The following CNTN5 variants were observed in gnomAD, a reference collection of about 807,000 sequenced individuals.
CNTN5 encodes the protein contactin-5.
In CNTN5, 77 loss-of-function variants were observed where a neutral mutation model predicts 129.1. The observed-to-expected ratio is 0.60, with a 90% CI of 0.50 to 0.72. CNTN5 has a LOEUF of 0.72. Ranked by LOEUF, CNTN5 falls within the 30% of genes least tolerant of loss-of-function variation. The probability of loss-of-function intolerance (pLI) is 0.00; values close to 1 mark genes in which losing one functional copy is unlikely to be tolerated. For synonymous variants in CNTN5, 509 were observed against 465.6 expected, an observed-to-expected ratio of 1.09 and a Z score of -1.20; for missense variants, 1,478 against 1,328.8, an observed-to-expected ratio of 1.11 and a Z score of -1.75.
intron 2 of CNTN5, among the ~76,000 whole-genome samples, chr11:99,434,759 T>G (rs1943535360): frequency 6.6e-6 from 1 of 152,180 alleles, no homozygotes; most frequent in South Asian, 2.1e-4. Context: ...TATTTCTGTA[T>G]AACAGGTGCC....
At chr11:99,530,343 G>T (rs1947649348) in intron 2 of CNTN5, among the ~76,000 whole-genome samples, 1 of 152,160 alleles carries the variant, frequency 6.6e-6, no homozygotes, top group African/African-American at 2.4e-5. Context: ...ACATGATTTT[G>T]TTGCTGTAGT....
rs569291459 is a variant in CNTN5 at position 99,275,965 on chromosome 11, T to A, written c.-209-49381T>A. Among the ~76,000 whole-genome samples the A allele has an allele frequency of 3.3e-5, 5 of 151,494 alleles. No individual in the cohort carries two copies. In the East Asian group the frequency reaches 9.7e-4, roughly 29 times the overall value. On this transcript the variant is annotated intron_variant, in intron 1 of 24. Transcript: ENST00000524871. ...AAGCCATATTTGAACAAAAAAAAAA[T>A]CTACCACAGGCAGATCTTCTCTATA...
intron 17 of CNTN5, among the ~76,000 whole-genome samples, chr11:100,258,306 G>A (rs746257117): frequency 2.6e-5 from 4 of 152,090 alleles, no homozygotes; most frequent in Non-Finnish European, 2.9e-5. Flanking sequence ...CCAAATATAC[G>A]TTTGACTGGT....
chr11:99,736,877 A>G (rs758458515), intron 3 of CNTN5, among the ~76,000 whole-genome samples: 1 of 152,186 alleles, frequency 6.6e-6, no homozygotes, highest in East Asian at 1.9e-4. Flanking sequence ...ACCTTTCACA[A>G]TAAACAGATG....
At chr11:99,875,062 G>C (rs1565628458) in intron 6 of CNTN5, among the ~76,000 whole-genome samples, 1 of 152,118 alleles carries the variant, frequency 6.6e-6, no homozygotes, top group Admixed American at 6.5e-5. Flanking sequence ...GCGTTAGTAA[G>C]AATCAAATAT....
chr11:99,203,181 G>T (rs1288545558), intron 1 of CNTN5, among the ~76,000 whole-genome samples: 1 of 152,108 alleles, frequency 6.6e-6, no homozygotes, highest in Non-Finnish European at 1.5e-5. Flanking sequence ...TATTTTTGCA[G>T]TCTTTCTGGT....
chr11:99,025,227 T>C (rs751689770), intron 1 of CNTN5, among the ~76,000 whole-genome samples: 3 of 151,916 alleles, frequency 2.0e-5, no homozygotes, highest in Non-Finnish European at 4.4e-5. Context: ...ATGAGTTTTC[T>C]ATGAAAAATA....
intron 4 of CNTN5, among the ~76,000 whole-genome samples, chr11:99,838,853 T>G (rs915795047): frequency 2.6e-5 from 4 of 152,146 alleles, no homozygotes; most frequent in Admixed American, 6.6e-5. Flanking sequence ...TACTTAGTAT[T>G]AGAAGTAATA....
At chr11:99,852,552 T>C (rs1174407497) in intron 6 of CNTN5, among the ~76,000 whole-genome samples, 3 of 152,232 alleles carry the variant, frequency 2.0e-5, no homozygotes, top group African/African-American at 7.2e-5. Flanking sequence ...CTCACACTCT[T>C]ATTTCTTTTA....
At chr11:99,408,010 G>A (rs1206611100) in intron 2 of CNTN5, among the ~76,000 whole-genome samples, 1 of 152,088 alleles carries the variant, frequency 6.6e-6, no homozygotes, top group Non-Finnish European at 1.5e-5. Context: ...GTGATATGAA[G>A]TTAAAACCAG....
At chr11:99,269,792 G>C (rs138357409) in intron 1 of CNTN5, among the ~76,000 whole-genome samples, 1 of 151,670 alleles carries the variant, frequency 6.6e-6, no homozygotes, top group Non-Finnish European at 1.5e-5. Flanking sequence ...CATAAGCATT[G>C]TGTCTCTTAG....
chr11:100,019,070 G>A (rs72994900), intron 9 of CNTN5, among the ~76,000 whole-genome samples: 8,269 of 151,756 alleles, frequency 0.054, 380 homozygotes, highest in East Asian at 0.16. Flanking sequence ...TATGTGATTC[G>A]CAAATATTTT....
At chr11:99,813,666 T>A (rs1190841280) in intron 3 of CNTN5, among the ~76,000 whole-genome samples, 1 of 152,050 alleles carries the variant, frequency 6.6e-6, no homozygotes, top group Non-Finnish European at 1.5e-5. Context: ...TCCTAGGGTG[T>A]GCCAACATTG....
At chr11:99,357,776 G>C (rs866165724) in intron 2 of CNTN5, among the ~76,000 whole-genome samples, 2 of 151,656 alleles carry the variant, frequency 1.3e-5, no homozygotes, top group African/African-American at 4.8e-5. Context: ...AGAAAATTAG[G>C]TTATTTCACT....
Position 99,889,662 on chromosome 11 carries a change from AG to A in CNTN5, c.578-26391del, listed in dbSNP as rs148879209. ...GCGATTCTCCTGCCTCAGCCTCCCG[AG>A]TAGCTGGGATTACAGGTGCCCACTG... On this transcript the variant is annotated intron_variant, in intron 6 of 24. Transcript: ENST00000524871. 7.0e-3 allele frequency among the ~76,000 whole-genome samples: 1,067 copies of A among 151,474 alleles called. 14 individuals carry two copies. The highest frequency in any genetic ancestry group is 0.025 in the African/African-American group (1,017 of 41,246).
At chr11:99,968,332 TCTA>T (rs1169060733) in intron 8 of CNTN5, among the ~76,000 whole-genome samples, 2 of 152,186 alleles carry the variant, frequency 1.3e-5, no homozygotes, top group Admixed American at 6.5e-5. Flanking sequence ...ATGTAGATAA[TCTA>T]CTATTTGGTG....
chr11:99,383,060 T>C (rs1486620843), intron 2 of CNTN5, among the ~76,000 whole-genome samples: 6 of 149,990 alleles, frequency 4.0e-5, no homozygotes, highest in African/African-American at 1.5e-4. Flanking sequence ...TTTCACCATA[T>C]TGGCCAGCCT....
intron 15 of CNTN5, among the ~76,000 whole-genome samples, chr11:100,217,598 C>T (rs1949167696): frequency 6.6e-6 from 1 of 152,092 alleles, no homozygotes; most frequent in African/African-American, 2.4e-5. Flanking sequence ...CTTTGTGTAA[C>T]TTCAATGAGA....
chr11:99,918,349 A>G (rs1333551792), intron 7 of CNTN5, among the ~76,000 whole-genome samples: 1 of 152,188 alleles, frequency 6.6e-6, no homozygotes, highest in Non-Finnish European at 1.5e-5. Flanking sequence ...CAAAGCACAC[A>G]TACAAAACAA....
Sources: gnomAD v4.1 joint callset for allele counts (sites outside exome capture counted in the v4.1 genomes callset) on GRCh38, gnomAD v4.1.1 for gene constraint, MANE v1.5 for transcripts, NCBI Gene and HGNC (gene_info 2026-07-23, HGNC 2026-07-21) for gene names.